OR13G1: variants seen among roughly 807,000 people sequenced by gnomAD.
The protein encoded by OR13G1 is olfactory receptor 13G1.
For synonymous variants in OR13G1, 128 were observed against 136.2 expected (o/e 0.94, Z 0.42); for missense variants, 369 against 385.7 (o/e 0.96, Z 0.36).
intron 1 of OR13G1, among the ~76,000 whole-genome samples, chr1:247,674,113 A>C (rs1208574499): frequency 6.6e-6 from 1 of 152,124 alleles, no homozygotes; most frequent in Non-Finnish European, 1.5e-5. Context: ...ACCTCAAGAG[A>C]TCCTCCTGCC....
Position 247,672,617 on chromosome 1 carries a change from A to G in OR13G1, c.425T>C (p.Leu142Pro), listed in dbSNP as rs775242284. 4 of 1,614,072 alleles carry G rather than the reference A, an allele frequency of 2.5e-6. No homozygotes were observed. In the Admixed American group the frequency reaches 6.7e-5, roughly 27 times the overall value. ...GACTGCAATAGCCATGACCATGCTG[A>G]GCAAGGCTACACACATATGGTGGTT... ...IMNHHMCVAL[L>P]SMVMAIAVTN... The change falls in exon 2 of 2, where the codon CTC becomes CCC. Residue 142 changes from leucine to proline, a missense_variant. Leu to Pro is a moderately conservative substitution (Grantham distance 98). Coordinates refer to ENST00000642119, the MANE Select transcript of OR13G1 (RefSeq NM_001005487.2).
intron 1 of OR13G1, among the ~76,000 whole-genome samples, chr1:247,673,562 G>T: frequency 6.6e-6 from 1 of 152,036 alleles, no homozygotes; most frequent in East Asian, 1.9e-4. Context: ...TTATAGTGAG[G>T]ATATTTCAGA....
chr1:247,679,407 A>AT (rs1172456363), intron 1 of OR13G1, among the ~76,000 whole-genome samples: 4 of 152,126 alleles, frequency 2.6e-5, no homozygotes, highest in Admixed American at 1.3e-4. Context: ...GGCAATATAA[A>AT]TACTTGCATC....
intron 1 of OR13G1, among the ~76,000 whole-genome samples, chr1:247,677,044 G>T (rs1170896089): frequency 6.6e-6 from 1 of 152,150 alleles, no homozygotes; most frequent in African/African-American, 2.4e-5. Context: ...GATGGCTTGA[G>T]CCCAGGAGTT....
rs1659235458 is a variant in OR13G1 at position 247,672,682 on chromosome 1, A to G, written c.360T>C (p.Tyr120=). The G allele has an allele frequency of 6.2e-7, 1 of 1,614,036 alleles. No homozygotes were observed. The highest frequency in any genetic ancestry group is 8.5e-7 in the Non-Finnish European group (1 of 1,179,918). Residue 120 remains tyrosine, a synonymous_variant, in exon 2 of 2, where the codon TAT becomes TAC. Coordinates refer to ENST00000642119, the MANE Select transcript of OR13G1 (RefSeq NM_001005487.2). The part of the protein sequence containing the change: ...VLFTTMAYDR[Y]VAICFPLHYS... ...AATGAAGAGGGAAACAAATGGCCAC[A>G]TAGCGGTCATAGGCCATGGTGGTGA...
Position 247,672,226 on chromosome 1 carries a change from A to C in OR13G1, c.816T>G (p.Ala272=). The C allele has an allele frequency of 6.2e-7, 1 of 1,614,122 alleles. No homozygotes were observed. Among genetic ancestry groups the C allele is most frequent in the Non-Finnish European group, 8.5e-7 (1 of 1,179,974 alleles). ...TGGGAGTCACAAGAGTATAGAGTGC[A>C]GCTACCACCTTGTCTCTTTCAAATG... ...SYTFERDKVV[A]ALYTLVTPTL... is the part of the protein sequence containing the mutation. Residue 272 remains alanine, a synonymous_variant, in exon 2 of 2, where the codon GCT becomes GCG. Transcript: ENST00000642119.
rs1284786294 is a variant in OR13G1 at position 247,671,080 on chromosome 1, T to A, written c.*1038A>T. The A allele has an allele frequency of 6.6e-6, 1 of 152,182 alleles. No individual in the cohort carries two copies. The highest frequency in any genetic ancestry group is 1.5e-5 in the Non-Finnish European group (1 of 68,012). The allele number at this position is 152,182 out of a possible 1,614,324, so 9.4% of individuals were successfully genotyped here. Reference sequence around the variant, plus strand: ...TTTGCTAGTAGATACTCATAGCAACTGCCATAGTATAGACACCCATTTCTC... The same window carrying A: ...TTTGCTAGTAGATACTCATAGCAACAGCCATAGTATAGACACCCATTTCTC... On this transcript the variant is annotated 3_prime_UTR_variant, in exon 2 of 2. Transcript: ENST00000642119.
chr1:247,673,215 C>T lies in OR13G1; in HGVS notation c.-174G>A. On this transcript the variant is annotated 5_prime_UTR_variant, in exon 2 of 2. Coordinates refer to ENST00000642119, the MANE Select transcript of OR13G1 (RefSeq NM_001005487.2). ...ATTTGATGGAGTTCTGTATTCCAGG[C>T]AATATACTCTGTTTTCCAGACTAAT... 2 of 585,138 alleles carry T rather than the reference C, an allele frequency of 3.4e-6. No individual in the cohort carries two copies. Among genetic ancestry groups the T allele is most frequent in the South Asian group, 2.2e-5 (1 of 45,036 alleles). The allele number at this position is 585,138 out of a possible 1,614,324, so 36.2% of individuals were successfully genotyped here.
In OR13G1 at chr1:247,672,397, A is replaced by G. The variant is rs760826188; in HGVS notation, c.645T>C (p.Tyr215=). Residue 215 remains tyrosine, a synonymous_variant, in exon 2 of 2, where the codon TAT becomes TAC. Transcript: ENST00000642119. ...IGDFILTCIS[Y]GFIIVAILRI... ...GGAGAATAGCAACAATGATAAAACC[A>G]TAGGAGATGCAGGTAAGAATAAAGT... The G allele has an allele frequency of 1.9e-6, 3 of 1,614,160 alleles. No homozygotes were observed. In the South Asian group the frequency reaches 3.3e-5, roughly 18 times the overall value.
chr1:247,671,608 A>G lies in OR13G1; in HGVS notation c.*510T>C, dbSNP rs1358880667. Reference sequence around the variant, plus strand: ...ATTCAGTAGAGCACGATTTTTCTCCAATGAAATCTAAATAACGTAATGAGG... The same window carrying G: ...ATTCAGTAGAGCACGATTTTTCTCCGATGAAATCTAAATAACGTAATGAGG... On this transcript the variant is annotated 3_prime_UTR_variant, in exon 2 of 2. Coordinates refer to ENST00000642119, the MANE Select transcript of OR13G1 (RefSeq NM_001005487.2). 1.3e-5 allele frequency: 2 copies of G among 155,926 alleles called. No homozygotes were observed. The highest frequency in any genetic ancestry group is 2.8e-5 in the Non-Finnish European group (2 of 70,298). The allele number at this position is 155,926 out of a possible 1,614,324, so 9.7% of individuals were successfully genotyped here.
At position 247,673,471 on chromosome 1, in the gene OR13G1, G is replaced by C. The variant is rs78586657; in HGVS notation, c.-238-192C>G. ...AATTATTACATACCTCAATAATTTA[G>C]TTAATTGCATGGTACATTTAGGTGT... On this transcript the variant is annotated intron_variant, in intron 1 of 1. Transcript: ENST00000642119. Among the ~76,000 whole-genome samples the C allele has an allele frequency of 1.8e-4, 27 of 152,006 alleles. No homozygotes were observed. The East Asian group carries it at 4.9e-3, about 27-fold the overall frequency.
intron 1 of OR13G1, among the ~76,000 whole-genome samples, chr1:247,677,003 G>T (rs1659357495): frequency 6.6e-6 from 1 of 152,174 alleles, no homozygotes; most frequent in East Asian, 1.9e-4. Context: ...CACACCTGTA[G>T]TCCCAGCACT....
At chr1:247,674,513 A>G (rs922481179) in intron 1 of OR13G1, among the ~76,000 whole-genome samples, 3 of 152,178 alleles carry the variant, frequency 2.0e-5, no homozygotes, top group Admixed American at 1.3e-4. Context: ...TTAAACTGGA[A>G]GAAAAAAATA....
chr1:247,676,625 C>G (rs1229021933), intron 1 of OR13G1, among the ~76,000 whole-genome samples: 1 of 152,030 alleles, frequency 6.6e-6, no homozygotes, highest in Non-Finnish European at 1.5e-5. Context: ...AACTAATATT[C>G]TTTGGGACCA....
intron 1 of OR13G1, among the ~76,000 whole-genome samples, chr1:247,677,544 G>T (rs1365955635): frequency 6.6e-6 from 1 of 152,120 alleles, no homozygotes; most frequent in Non-Finnish European, 1.5e-5. Context: ...ATAATGAATT[G>T]CCAGAATAAA....
chr1:247,676,325 A>C (rs1308728191), intron 1 of OR13G1, among the ~76,000 whole-genome samples: 1 of 152,186 alleles, frequency 6.6e-6, no homozygotes, highest in East Asian at 1.9e-4. Context: ...GTGAGTATTC[A>C]GTCGTTAATA....
In OR13G1 at chr1:247,679,638, A is replaced by C. The variant is rs1252606659; in HGVS notation, c.-239+2T>G. 1 of 152,030 alleles carries C rather than the reference A, an allele frequency of 6.6e-6. No homozygotes were observed. Among genetic ancestry groups the C allele is most frequent in the East Asian group, 1.9e-4 (1 of 5,190 alleles). The allele number at this position is 152,030 out of a possible 1,614,324, so 9.4% of individuals were successfully genotyped here. A position where few individuals can be genotyped will look rare whatever the true frequency, so the allele number is the denominator to read the frequency against. ...TTAGACAGTCTGCCCACAAATACTC[A>C]CTGTAGTTTTTTGCAGAGTATTGTC... On this transcript the variant is annotated splice_donor_variant, in intron 1 of 1. Coordinates refer to ENST00000642119, the MANE Select transcript of OR13G1 (RefSeq NM_001005487.2). LOFTEE classifies it low-confidence loss of function (5UTR_SPLICE).
chr1:247,678,142 T>C (rs1659389653), intron 1 of OR13G1, among the ~76,000 whole-genome samples: 1 of 152,176 alleles, frequency 6.6e-6, no homozygotes. Flanking sequence ...ATTTTACATA[T>C]GAAGTAGTTG....
chr1:247,673,773 T>G (rs1379173406), intron 1 of OR13G1, among the ~76,000 whole-genome samples: 1 of 152,188 alleles, frequency 6.6e-6, no homozygotes. Flanking sequence ...GATTTAAAAA[T>G]ATAAAATGTA....
Sources: gnomAD v4.1 joint callset for allele counts (sites outside exome capture counted in the v4.1 genomes callset) on GRCh38, gnomAD v4.1.1 for gene constraint, MANE v1.5 for transcripts, NCBI Gene and HGNC (gene_info 2026-07-23, HGNC 2026-07-21) for gene names.